Variants in C4orf17 observed in about 807,000 individuals in gnomAD.
C4orf17 encodes the protein chromosome 4 open reading frame 17.
In C4orf17, 25 loss-of-function variants were observed where a neutral mutation model predicts 32.0. The observed-to-expected ratio is 0.78, with a 90% CI of 0.57 to 1.09. The LOEUF is 1.09. Ranked by LOEUF, C4orf17 falls within the 50% of genes least tolerant of loss-of-function variation. The pLI is 0.00. For missense variants in C4orf17, 420 were observed against 420.0 expected, an observed-to-expected ratio of 1.00 and a Z score of 0.00; for synonymous variants, 149 against 145.8, an observed-to-expected ratio of 1.02 and a Z score of -0.16.
chr4:99,529,971 T>C lies in C4orf17; in HGVS notation c.546+13T>C, dbSNP rs1723452030. The C allele has an allele frequency of 1.3e-6, 2 of 1,597,074 alleles. No homozygotes were observed. Among genetic ancestry groups the C allele is most frequent in the African/African-American group, 1.4e-5 (1 of 73,616 alleles). On this transcript the variant is annotated intron_variant, in intron 5 of 8. Coordinates refer to ENST00000326581, the MANE Select transcript of C4orf17 (RefSeq NM_032149.3). ...TCAGGAAATAAAAGTAAGTATCAGG[T>C]TTATCAAATCCATAACTTGGAAACA...
rs1230661863 is a variant in C4orf17, at chr4:99,524,716, CATAAT to C, written c.402+136_402+140del. 5.1e-6 allele frequency: 3 copies of C among 584,466 alleles called. No homozygotes were observed. In the African/African-American group the frequency reaches 5.7e-5, roughly 11 times the overall value. 36.2% of individuals were successfully genotyped at this position (584,466 alleles called of 1,614,324 possible). A position where few individuals can be genotyped will look rare whatever the true frequency, so the allele number is the denominator to read the frequency against. Reference sequence around the variant, plus strand: ...TACAGCTTTAGTAAAGTCTAATTAACATAATATAAGATACACATATTCAAAATGCA... The same window carrying C: ...TACAGCTTTAGTAAAGTCTAATTAACATAAGATACACATATTCAAAATGCA... On this transcript the variant is annotated intron_variant, in intron 4 of 8. Coordinates refer to ENST00000326581, the MANE Select transcript of C4orf17 (RefSeq NM_032149.3).
chr4:99,514,408 G>GA (rs143799033), intron 2 of C4orf17, among the ~76,000 whole-genome samples: 14,130 of 151,540 alleles, frequency 0.093, 878 homozygotes, highest in African/African-American at 0.17. Context: ...AAATCAGCAA[G>GA]AAAAAAACAA....
At position 99,511,211 on chromosome 4, in the gene C4orf17, G is replaced by A. The variant is rs1476635883; in HGVS notation, c.-155G>A. ...CAGTCTAGACATATTATGAGGCTGG[G>A]AGGGTATCAACAGACTTGAGTTCTT... On this transcript the variant is annotated 5_prime_UTR_variant, in exon 1 of 9. Coordinates refer to ENST00000326581, the MANE Select transcript of C4orf17 (RefSeq NM_032149.3). 2 of 152,172 alleles carry A rather than the reference G, an allele frequency of 1.3e-5. No homozygotes were observed. The highest frequency in any genetic ancestry group is 3.8e-4 in the East Asian group (2 of 5,204). The allele number at this position is 152,172 out of a possible 1,614,324, so 9.4% of individuals were successfully genotyped here. A position where few individuals can be genotyped will look rare whatever the true frequency, so the allele number is the denominator to read the frequency against.
chr4:99,541,120 G>A (rs1723645686), intron 8 of C4orf17: 1 of 152,196 alleles, frequency 6.6e-6, no homozygotes, highest in African/African-American at 2.4e-5. Context: ...AATGTGTCTT[G>A]TCATTTCTAC....
At chr4:99,526,791 C>A (rs1723395224) in intron 4 of C4orf17, among the ~76,000 whole-genome samples, 1 of 151,444 alleles carries the variant, frequency 6.6e-6, no homozygotes, top group South Asian at 2.1e-4. Context: ...TTAAAATATT[C>A]CTTTTATTAT....
chr4:99,537,675 G>C lies in C4orf17; in HGVS notation c.553G>C (p.Ala185Pro). The change falls in exon 6 of 9, where the codon GCA (alanine) becomes CCA (proline). Residue 185 changes from alanine (A) to proline (P), a missense_variant. Physicochemically the swap from Ala to Pro is conservative, Grantham distance 27. Coordinates refer to ENST00000326581, the MANE Select transcript of C4orf17 (RefSeq NM_032149.3). Reference sequence around the variant, plus strand: ...CTCTAATGTTCTCTGTCAGATCCTGGCAAAGCTCTGTAGCATTTTGCATAC... The same window carrying C: ...CTCTAATGTTCTCTGTCAGATCCTGCCAAAGCTCTGTAGCATTTTGCATAC... ...NYLDQEIKIL[A>P]KLCSILHTDS... 4.3e-6 allele frequency: 7 copies of C among 1,611,490 alleles called. No homozygotes were observed. In the Middle Eastern group the frequency reaches 1.2e-3, roughly 266 times the overall value.
At chr4:99,520,549 A>G (rs534780375) in intron 2 of C4orf17, among the ~76,000 whole-genome samples, 2 of 152,118 alleles carry the variant, frequency 1.3e-5, no homozygotes, top group Non-Finnish European at 2.9e-5. Context: ...TTTTCTTATC[A>G]TATACTATAA....
chr4:99,516,563 GC>G (rs1723184497), intron 2 of C4orf17, among the ~76,000 whole-genome samples: 1 of 152,214 alleles, frequency 6.6e-6, no homozygotes, highest in African/African-American at 2.4e-5. Context: ...GGCTGGTCCA[GC>G]CACTCTGTAA....
chr4:99,529,734 C>A, intron 4 of C4orf17, 81 bp from the exon 5 acceptor site: 1 of 1,180,272 alleles, frequency 8.5e-7, no homozygotes, highest in Non-Finnish European at 1.2e-6. Context: ...CACAATATTT[C>A]TCATTCATTT....
At chr4:99,516,604 C>T (rs1408222321) in intron 2 of C4orf17, among the ~76,000 whole-genome samples, 4 of 152,012 alleles carry the variant, frequency 2.6e-5, no homozygotes, top group Admixed American at 1.3e-4. Flanking sequence ...ATATCTACAA[C>T]GGGGTTAAGT....
In C4orf17 at chr4:99,537,853, A is replaced by G. The variant is rs540968378; in HGVS notation, c.628+103A>G. The G allele has an allele frequency of 5.6e-5, 46 of 825,240 alleles. No individual in the cohort carries two copies. The South Asian group carries it at 6.3e-4, about 11-fold the overall frequency. The allele number at this position is 825,240 out of a possible 1,614,324, so 51.1% of individuals were successfully genotyped here. A position where few individuals can be genotyped will look rare whatever the true frequency, so the allele number is the denominator to read the frequency against. ...TTTGTACCTTGGATTTGCAAAGATA[A>G]TGTTGCAATATTATTTCCGCAATGT... On this transcript the variant is annotated intron_variant, in intron 6 of 8. Coordinates refer to ENST00000326581, the MANE Select transcript of C4orf17 (RefSeq NM_032149.3).
chr4:99,519,637 A>T (rs1340545178), intron 2 of C4orf17, among the ~76,000 whole-genome samples: 4 of 152,204 alleles, frequency 2.6e-5, no homozygotes, highest in Non-Finnish European at 5.9e-5. Flanking sequence ...TATATTCTAC[A>T]TCAGTAGTCT....
intron 3 of C4orf17, among the ~76,000 whole-genome samples, chr4:99,523,521 C>T (rs1254021963): frequency 1.3e-5 from 2 of 152,184 alleles, no homozygotes; most frequent in Admixed American, 6.5e-5. Flanking sequence ...TCTCTTCCCT[C>T]CCTTCTGCTA....
chr4:99,530,847 T>C (rs1723466972), intron 5 of C4orf17, among the ~76,000 whole-genome samples: 1 of 152,148 alleles, frequency 6.6e-6, no homozygotes, highest in African/African-American at 2.4e-5. Flanking sequence ...CTTATGTTTA[T>C]ACATTATTTC....
At chr4:99,540,512 A>G (rs1049188444) in intron 8 of C4orf17, 57 bp downstream of exon 8, 4 of 1,106,746 alleles carry the variant, frequency 3.6e-6, no homozygotes, top group African/African-American at 1.6e-5. Flanking sequence ...GTAAGTACTA[A>G]TGACTCAGGG....
chr4:99,542,138 G>A lies in C4orf17; in HGVS notation c.*29G>A. The A allele has an allele frequency of 6.4e-7, 1 of 1,559,638 alleles. No homozygotes were observed. The highest frequency in any genetic ancestry group is 8.8e-7 in the Non-Finnish European group (1 of 1,132,218). ...TTCTAGACTGGGTGAATTCTTTCATGAATATGAGCTTCACATTTACATCAT... is the reference window on the plus strand; with the variant it reads ...TTCTAGACTGGGTGAATTCTTTCATAAATATGAGCTTCACATTTACATCAT... On this transcript the variant is annotated 3_prime_UTR_variant, in exon 9 of 9. Transcript: ENST00000326581.
At chr4:99,538,932 C>T (rs1465673052) in intron 6 of C4orf17, among the ~76,000 whole-genome samples, 1 of 152,190 alleles carries the variant, frequency 6.6e-6, no homozygotes, top group African/African-American at 2.4e-5. Flanking sequence ...TATTCAGGGA[C>T]AAGTGCCTCA....
chr4:99,534,509 CTAGGTCAAA>C (rs1723528720), intron 5 of C4orf17, among the ~76,000 whole-genome samples: 2 of 152,106 alleles, frequency 1.3e-5, no homozygotes, highest in African/African-American at 4.8e-5. Flanking sequence ...AATGAGATTG[CTAGGTCAAA>C]TGGTATTTCT....
intron 5 of C4orf17, among the ~76,000 whole-genome samples, chr4:99,536,585 A>C (rs1723566249): frequency 6.6e-6 from 1 of 152,158 alleles, no homozygotes; most frequent in Non-Finnish European, 1.5e-5. Flanking sequence ...GCAGGCTAGA[A>C]CAGCTGAGTT....
Sources: gnomAD v4.1 joint callset for allele counts (sites outside exome capture counted in the v4.1 genomes callset) on GRCh38, gnomAD v4.1.1 for gene constraint, MANE v1.5 for transcripts, NCBI Gene and HGNC (gene_info 2026-07-23, HGNC 2026-07-21) for gene names.